STRN: variants seen among roughly 807,000 people sequenced by gnomAD.
STRN encodes the protein protein phosphatase 2 regulatory subunit B'''alpha.
A neutral mutation model predicts 96.3 loss-of-function variants in STRN; 53 were observed. The observed-to-expected ratio is 0.55, with a 90% CI of 0.44 to 0.69. The LOEUF is 0.69. STRN is among the 30% of genes least tolerant of loss of function. The pLI, the probability that STRN is intolerant of heterozygous loss-of-function variation, is 0.00. For missense variants in STRN, 987 were observed against 963.9 expected, an observed-to-expected ratio of 1.02 and a Z score of -0.32; for synonymous variants, 428 against 355.9, an observed-to-expected ratio of 1.20 and a Z score of -2.28.
At chr2:36,869,065 G>A (rs1322556864) in intron 11 of STRN, among the ~76,000 whole-genome samples, 2 of 152,156 alleles carry the variant, frequency 1.3e-5, no homozygotes, top group Non-Finnish European at 2.9e-5. Flanking sequence ...AGACATATTG[G>A]TGGGTATGGA....
Position 36,884,289 on chromosome 2 carries a change from G to T in STRN, c.1043-214C>A, listed in dbSNP as rs72873803. Among the ~76,000 whole-genome samples, 837 of 152,012 alleles carry T rather than the reference G, an allele frequency of 5.5e-3. 5 individuals carry two copies. Among genetic ancestry groups the T allele is most frequent in the African/African-American group, 0.018 (764 of 41,420 alleles). On this transcript the variant is annotated intron_variant, in intron 8 of 17. Transcript: ENST00000263918. ...TATACTTTTTAAATTAAGCAAATGG[G>T]ATATCACTATTTACATAAAAAAGAA...
intron 13 of STRN, 118 bp downstream of exon 13, chr2:36,861,014 G>C (rs918054218): frequency 1.0e-5 from 12 of 1,189,226 alleles, no homozygotes; most frequent in African/African-American, 1.6e-5. Context: ...AAATAAAGAT[G>C]TGGTTCTCTT....
chr2:36,847,661 G>T lies in STRN; in HGVS notation c.*1795C>A, dbSNP rs1247895669. On this transcript the variant is annotated 3_prime_UTR_variant, in exon 18 of 18. Transcript: ENST00000263918. The stretch of plus-strand genomic sequence containing the variant: ...TACAGCATATCTGTATGAAAATCAG[G>T]CAAATTTAGCACAAGTCTCTAGCTT... 2 of 152,088 alleles carry T rather than the reference G, an allele frequency of 1.3e-5. No homozygotes were observed. Among genetic ancestry groups the T allele is most frequent in the Non-Finnish European group, 2.9e-5 (2 of 68,010 alleles). The allele number at this position is 152,088 out of a possible 1,614,324, so 9.4% of individuals were successfully genotyped here.
rs750401298 is a variant in STRN at position 36,886,779 on chromosome 2, C to T, written c.979G>A (p.Gly327Arg). Residue 327 changes from glycine (G) to arginine (R), a missense_variant, in exon 8 of 18, where the codon GGA becomes AGA. Physicochemically the swap from Gly to Arg is moderately radical, Grantham distance 125. Transcript: ENST00000263918. ...TGTTCCTTGAGTTTGGTAATTACTC[C>T]CTGGTCCACATTCCAGGCTTCAGGC... is the stretch of plus-strand genomic sequence containing the variant. ...LMPEAWNVDQ[G>R]VITKLKEQYK... 3 of 1,613,486 alleles carry T rather than the reference C, an allele frequency of 1.9e-6. No homozygotes were observed. Among genetic ancestry groups the T allele is most frequent in the South Asian group, 1.1e-5 (1 of 91,008 alleles).
At chr2:36,888,778 T>C (rs539496187) in intron 7 of STRN, among the ~76,000 whole-genome samples, 1 of 152,084 alleles carries the variant, frequency 6.6e-6, no homozygotes, top group Non-Finnish European at 1.5e-5. Flanking sequence ...CCTCCTGGGC[T>C]GAAGCGATCC....
chr2:36,909,764 T>A (rs149974333), intron 3 of STRN, among the ~76,000 whole-genome samples: 1 of 151,862 alleles, frequency 6.6e-6, no homozygotes, highest in Admixed American at 6.6e-5. Context: ...TTAGAACCAA[T>A]GATAAAGAGA....
rs1237907242 is a variant in STRN at position 36,849,113 on chromosome 2, C to A, written c.*343G>T. On this transcript the variant is annotated 3_prime_UTR_variant, in exon 18 of 18. Coordinates refer to ENST00000263918, the MANE Select transcript of STRN (RefSeq NM_003162.4). ...CCCAGCTATCAAGCTTTTAAATTAT[C>A]CATTGTAGCATGCCCTACTTACTCA... 4.8e-6 allele frequency: 1 copy of A among 207,224 alleles called. No homozygotes were observed. The highest frequency in any genetic ancestry group is 9.8e-6 in the Non-Finnish European group (1 of 102,038). 12.8% of individuals were successfully genotyped at this position (207,224 alleles called of 1,614,324 possible).
intron 7 of STRN, among the ~76,000 whole-genome samples, chr2:36,889,267 C>A (rs1000811311): frequency 2.1e-4 from 32 of 152,154 alleles, no homozygotes; most frequent in African/African-American, 7.2e-4. Context: ...GAGTTTCAAT[C>A]CAGTTTAGAA....
chr2:36,884,322 G>C (rs1189125943), intron 8 of STRN, among the ~76,000 whole-genome samples: 2 of 152,120 alleles, frequency 1.3e-5, no homozygotes, highest in Non-Finnish European at 2.9e-5. Context: ...GAATGCTCGT[G>C]TCCAGTTAGA....
intron 12 of STRN, among the ~76,000 whole-genome samples, chr2:36,863,359 T>A (rs1668542951): frequency 6.6e-6 from 1 of 152,218 alleles, no homozygotes; most frequent in Non-Finnish European, 1.5e-5. Flanking sequence ...ATATATGGTA[T>A]AAGGAAGGGG....
chr2:36,899,761 A>G (rs1360961470), intron 5 of STRN, 103 bp from the exon 6 acceptor site: 3 of 1,068,214 alleles, frequency 2.8e-6, no homozygotes, highest in East Asian at 5.3e-5. Flanking sequence ...TGGTAACTAT[A>G]AATCCCAAAT....
At chr2:36,956,363 G>T (rs888374000) in intron 1 of STRN, among the ~76,000 whole-genome samples, 6 of 152,070 alleles carry the variant, frequency 3.9e-5, no homozygotes, top group Non-Finnish European at 5.9e-5. Flanking sequence ...CAAAAATGAG[G>T]CCTAGAAAAA....
intron 1 of STRN, among the ~76,000 whole-genome samples, chr2:36,965,098 A>G (rs1356386922): frequency 6.6e-6 from 1 of 151,330 alleles, no homozygotes; most frequent in Non-Finnish European, 1.5e-5. Flanking sequence ...TCTATTTAAC[A>G]GATTTCTCCT....
rs1238724197 is a variant in STRN, at chr2:36,855,458, C to T, written c.1838-106G>A. The stretch of plus-strand genomic sequence containing the variant: ...TGGCATGGTTTCCTTAAGAAGTAAA[C>T]AAGGCTTACCATTAGAATAAGAATT... On this transcript the variant is annotated intron_variant, in intron 14 of 17. Transcript: ENST00000263918. 5 of 1,109,006 alleles carry T rather than the reference C, an allele frequency of 4.5e-6. No individual in the cohort carries two copies. In the East Asian group the frequency reaches 1.0e-4, roughly 22 times the overall value. 68.7% of individuals were successfully genotyped at this position (1,109,006 alleles called of 1,614,324 possible). A position where few individuals can be genotyped will look rare whatever the true frequency, so the allele number is the denominator to read the frequency against.
At chr2:36,857,804 G>A (rs1490700840) in intron 14 of STRN, 52 bp downstream of exon 14, 3 of 1,430,860 alleles carry the variant, frequency 2.1e-6, no homozygotes, top group East Asian at 2.4e-5. Context: ...CTTATTTTCA[G>A]AATAAACTGT....
chr2:36,871,202 T>G (rs1668754707), intron 10 of STRN, among the ~76,000 whole-genome samples: 1 of 152,210 alleles, frequency 6.6e-6, no homozygotes, highest in South Asian at 2.1e-4. Flanking sequence ...GTGTACAGTG[T>G]TTACAAAGTC....
chr2:36,937,818 C>A (rs1160589992), intron 1 of STRN, among the ~76,000 whole-genome samples: 2 of 151,894 alleles, frequency 1.3e-5, no homozygotes, highest in Non-Finnish European at 2.9e-5. Context: ...AACTTACAGG[C>A]TATGACCAGA....
At chr2:36,879,049 G>A (rs368735107) in intron 9 of STRN, among the ~76,000 whole-genome samples, 8 of 149,202 alleles carry the variant, frequency 5.4e-5, no homozygotes, top group South Asian at 2.1e-4. Context: ...CACTGCACCC[G>A]GTAAAGAAAA....
chr2:36,905,645 C>T, intron 3 of STRN, 27 bp from the exon 4 acceptor site: 1 of 1,602,178 alleles, frequency 6.2e-7, no homozygotes, highest in South Asian at 1.1e-5. Flanking sequence ...CATAATAAAA[C>T]TGACTTGTTT....
Sources: allele counts gnomAD v4.1 joint callset (sites outside exome capture counted in the v4.1 genomes callset), GRCh38; gene constraint gnomAD v4.1.1; transcripts MANE v1.5; gene names NCBI Gene and HGNC (gene_info 2026-07-23, HGNC 2026-07-21).